USP46: variants seen among roughly 807,000 people sequenced by gnomAD.
USP46 encodes the protein ubiquitin carboxyl-terminal hydrolase 46.
Under a neutral mutation model 44.4 loss-of-function variants are expected in USP46, and 12 were observed. That is an observed-to-expected ratio of 0.27 (90% CI 0.17 to 0.44). USP46 has a LOEUF of 0.44. USP46 is among the 20% of genes least tolerant of loss of function. USP46 has a pLI of 1.00. For synonymous variants in USP46, 155 were observed against 161.5 expected (o/e 0.96, Z 0.31); for missense variants, 248 against 444.8 (o/e 0.56, Z 3.98).
chr4:52,619,882 C>G (rs1249656934), intron 4 of USP46, among the ~76,000 whole-genome samples: 6 of 152,142 alleles, frequency 3.9e-5, no homozygotes, highest in Admixed American at 3.9e-4. Flanking sequence ...AGGTAATTAT[C>G]CAAGTAACTC....
intron 1 of USP46, among the ~76,000 whole-genome samples, chr4:52,650,820 C>T (rs1048916214): frequency 2.0e-5 from 3 of 151,960 alleles, no homozygotes; most frequent in Non-Finnish European, 4.4e-5. Flanking sequence ...TTAAGTTGGC[C>T]GGGTGCAGTG....
At chr4:52,650,663 G>A (rs1228657934) in intron 1 of USP46, among the ~76,000 whole-genome samples, 10 of 152,174 alleles carry the variant, frequency 6.6e-5, no homozygotes, top group Non-Finnish European at 1.2e-4. Context: ...ATGCTTTTTT[G>A]TATGTTAATG....
At chr4:52,641,409 G>A (rs1234585131) in intron 1 of USP46, among the ~76,000 whole-genome samples, 19 of 152,182 alleles carry the variant, frequency 1.2e-4, no homozygotes, top group Admixed American at 1.2e-3. Context: ...TTCTATGACT[G>A]CCAAGGGGTG....
At chr4:52,625,985 T>C in intron 4 of USP46, 33 bp downstream of exon 4, 2 of 1,574,544 alleles carry the variant, frequency 1.3e-6, no homozygotes, top group Non-Finnish European at 8.7e-7. Context: ...AATATGAACA[T>C]GCGAGCTACA....
intron 5 of USP46, among the ~76,000 whole-genome samples, chr4:52,606,242 T>C (rs1380551676): frequency 2.0e-5 from 3 of 152,122 alleles, no homozygotes; most frequent in African/African-American, 7.2e-5. Flanking sequence ...AACAAGTGAA[T>C]AAGGGTCAAT....
intron 1 of USP46, among the ~76,000 whole-genome samples, chr4:52,637,522 T>C (rs1397567262): frequency 6.6e-6 from 1 of 152,208 alleles, no homozygotes; most frequent in Non-Finnish European, 1.5e-5. Flanking sequence ...TCTTGGCTCA[T>C]GTCAAAAACC....
intron 1 of USP46, among the ~76,000 whole-genome samples, chr4:52,643,964 C>A (rs1306864648): frequency 6.6e-6 from 1 of 152,166 alleles, no homozygotes; most frequent in Admixed American, 6.5e-5. Context: ...AAGGCTTGGG[C>A]AGCCAGCCAG....
intron 4 of USP46, 52 bp from the exon 5 acceptor site, chr4:52,610,669 A>C (rs1390830118): frequency 2.6e-6 from 4 of 1,563,260 alleles, no homozygotes; most frequent in African/African-American, 2.7e-5. Context: ...GTAGTAGATA[A>C]AACTTTGAAC....
intron 4 of USP46, among the ~76,000 whole-genome samples, chr4:52,625,778 T>C (rs1331201588): frequency 6.6e-6 from 1 of 152,208 alleles, no homozygotes; most frequent in Admixed American, 6.5e-5. Flanking sequence ...TTCCCCATGG[T>C]GTAAAGCAAT....
Position 52,654,411 on chromosome 4 carries a change from C to A in USP46, c.36+4704G>T, listed in dbSNP as rs1374829562. 3.3e-5 allele frequency among the ~76,000 whole-genome samples: 5 copies of A among 152,308 alleles called. No homozygotes were observed. The South Asian group carries it at 1.0e-3, about 32-fold the overall frequency. On this transcript the variant is annotated intron_variant, in intron 1 of 8. Coordinates refer to ENST00000441222, the MANE Select transcript of USP46 (RefSeq NM_022832.4). Reference sequence around the variant, plus strand: ...AATTAAAAAGTTGTTTCCAACCATTCTCAAAATACTTGCCTTAGGTAAGTA... The same window carrying A: ...AATTAAAAAGTTGTTTCCAACCATTATCAAAATACTTGCCTTAGGTAAGTA...
intron 1 of USP46, among the ~76,000 whole-genome samples, chr4:52,644,737 TAAAAAAAAAAA>T (rs781627890): frequency 9.2e-6 from 1 of 108,438 alleles, no homozygotes; most frequent in African/African-American, 3.4e-5. Context: ...GATATTGAAT[TAAAAAAAAAAA>T]AAAAAAAAAA....
intron 4 of USP46, among the ~76,000 whole-genome samples, chr4:52,621,096 C>A (rs563771486): frequency 1.9e-4 from 29 of 152,116 alleles, no homozygotes; most frequent in Non-Finnish European, 3.5e-4. Flanking sequence ...AAATAGGTCA[C>A]CAGTTCTATC....
chr4:52,644,451 C>G (rs894803545), intron 1 of USP46, among the ~76,000 whole-genome samples: 1 of 152,236 alleles, frequency 6.6e-6, no homozygotes, highest in East Asian at 1.9e-4. Flanking sequence ...TGTTAGGAAC[C>G]AAGCGGCACA....
At chr4:52,610,670 A>G in intron 4 of USP46, 53 bp from the exon 5 acceptor site, 1 of 1,541,462 alleles carries the variant, frequency 6.5e-7, no homozygotes, top group South Asian at 1.1e-5. Context: ...TAGTAGATAA[A>G]ACTTTGAACA....
chr4:52,654,071 G>C (rs1308441395), intron 1 of USP46, among the ~76,000 whole-genome samples: 1 of 152,112 alleles, frequency 6.6e-6, no homozygotes, highest in Non-Finnish European at 1.5e-5. Context: ...TCTCTGAGGA[G>C]TCCAAGAAAA....
At chr4:52,630,805 A>G (rs1253536089) in intron 2 of USP46, among the ~76,000 whole-genome samples, 10 of 151,928 alleles carry the variant, frequency 6.6e-5, no homozygotes. Flanking sequence ...TATGAAAGTT[A>G]TGTGTGCAAA....
chr4:52,615,102 T>C (rs930129058), intron 4 of USP46, among the ~76,000 whole-genome samples: 7 of 151,612 alleles, frequency 4.6e-5, no homozygotes, highest in African/African-American at 1.2e-4. Flanking sequence ...AAAGAAAATA[T>C]AGAAGAGGAA....
intron 7 of USP46, 27 bp downstream of exon 7, chr4:52,601,830 T>C: frequency 6.2e-7 from 1 of 1,606,480 alleles, no homozygotes; most frequent in Non-Finnish European, 8.5e-7. Flanking sequence ...ACTTACCCTG[T>C]ATACCTGCTT....
intron 5 of USP46, among the ~76,000 whole-genome samples, chr4:52,606,306 C>T (rs1195408527): frequency 1.3e-5 from 2 of 152,240 alleles, no homozygotes; most frequent in East Asian, 1.9e-4. Flanking sequence ...GGAACAGCAG[C>T]GGTGACGTAT....
Sources: gnomAD v4.1 joint callset for allele counts (sites outside exome capture counted in the v4.1 genomes callset) on GRCh38, gnomAD v4.1.1 for gene constraint, MANE v1.5 for transcripts, NCBI Gene and HGNC (gene_info 2026-07-23, HGNC 2026-07-21) for gene names.